The following COL22A1 variants were observed in gnomAD, a reference collection of about 807,000 sequenced individuals.
COL22A1 encodes collagen type XXII alpha 1 chain.
Under a neutral mutation model 248.9 loss-of-function variants are expected in COL22A1, and 221 were observed. The observed-to-expected ratio is 0.89, with a 90% CI of 0.80 to 0.99. The LOEUF (loss-of-function observed/expected upper bound fraction) is 0.99, where lower values mean the gene tolerates loss of function less well. COL22A1 is among the 50% of genes least tolerant of loss of function. The pLI, the probability that COL22A1 is intolerant of heterozygous loss-of-function variation, is 0.00. For synonymous variants in COL22A1, 891 were observed against 793.4 expected, an observed-to-expected ratio of 1.12 and a Z score of -2.07; for missense variants, 2,240 against 2,179.0, an observed-to-expected ratio of 1.03 and a Z score of -0.56.
intron 3 of COL22A1, among the ~76,000 whole-genome samples, chr8:138,862,595 A>G (rs1822566650): frequency 6.6e-6 from 1 of 152,096 alleles, no homozygotes; most frequent in South Asian, 2.1e-4. Flanking sequence ...ACTTCCAGCT[A>G]TAATAGTCAG....
chr8:138,867,215 G>T (rs1822966214), intron 3 of COL22A1, among the ~76,000 whole-genome samples: 1 of 152,166 alleles, frequency 6.6e-6, no homozygotes, highest in Non-Finnish European at 1.5e-5. Context: ...ATTGGTTTCT[G>T]GCCAGTGATC....
chr8:138,762,563 T>G (rs1586678254), intron 16 of COL22A1, 97 bp from the exon 17 acceptor site: 1 of 1,200,342 alleles, frequency 8.3e-7, no homozygotes. Flanking sequence ...ACAAGGAGGG[T>G]GGGGAAAAGG....
intron 10 of COL22A1, among the ~76,000 whole-genome samples, chr8:138,805,332 G>GGA (rs1817428970): frequency 6.9e-6 from 1 of 144,860 alleles, no homozygotes; most frequent in African/African-American, 2.5e-5. Context: ...TGATGGTGTG[G>GGA]CTGTGTGATG....
intron 39 of COL22A1, among the ~76,000 whole-genome samples, chr8:138,683,525 C>G (rs1826112886): frequency 6.6e-6 from 1 of 152,164 alleles, no homozygotes; most frequent in South Asian, 2.1e-4. Context: ...CCCAGTCTCC[C>G]CTGTGTGACT....
chr8:138,667,369 A>G (rs904575136), intron 41 of COL22A1, among the ~76,000 whole-genome samples: 2 of 152,202 alleles, frequency 1.3e-5, no homozygotes, highest in African/African-American at 4.8e-5. Context: ...GGAGACCATC[A>G]AAGATTGCTA....
intron 54 of COL22A1, 77 bp downstream of exon 54, chr8:138,616,837 G>A: frequency 1.3e-6 from 2 of 1,551,368 alleles, no homozygotes; most frequent in South Asian, 2.2e-5. Context: ...ATGGCCTGCA[G>A]GCTGCAAGTA....
intron 35 of COL22A1, among the ~76,000 whole-genome samples, chr8:138,692,391 G>T (rs868864049): frequency 6.6e-6 from 1 of 150,398 alleles, no homozygotes; most frequent in Non-Finnish European, 1.5e-5. Flanking sequence ...TATTGTGCAC[G>T]TATGTACATG....
At chr8:138,844,197 T>G (rs1586873452) in intron 3 of COL22A1, 39 bp from the exon 4 acceptor site, 1 of 1,588,410 alleles carries the variant, frequency 6.3e-7, no homozygotes. Context: ...GATGAGAAAA[T>G]GTGACCCATC....
chr8:138,846,201 G>A (rs1821232386), intron 3 of COL22A1, among the ~76,000 whole-genome samples: 1 of 152,188 alleles, frequency 6.6e-6, no homozygotes, highest in Admixed American at 6.5e-5. Context: ...CAGCTGTGGG[G>A]TGACGATCAA....
intron 49 of COL22A1, among the ~76,000 whole-genome samples, chr8:138,632,534 G>T (rs1320068582): frequency 6.6e-6 from 1 of 152,172 alleles, no homozygotes; most frequent in Non-Finnish European, 1.5e-5. Context: ...CTCTATTGAT[G>T]TCTTTCCAGC....
At chr8:138,650,705 GATA>G (rs1822640941) in intron 45 of COL22A1, among the ~76,000 whole-genome samples, 1 of 149,836 alleles carries the variant, frequency 6.7e-6, no homozygotes, top group African/African-American at 2.5e-5. Context: ...TAGATAGATA[GATA>G]GATAGATAGA....
At chr8:138,591,703 C>T (rs557287623) in intron 63 of COL22A1, among the ~76,000 whole-genome samples, 21 of 152,294 alleles carry the variant, frequency 1.4e-4, no homozygotes, top group African/African-American at 4.8e-4. Context: ...CCAGCACACA[C>T]TCACATTCAG....
At chr8:138,755,591 A>G (rs1832931449) in intron 19 of COL22A1, 80 bp from the exon 20 acceptor site, 2 of 1,480,888 alleles carry the variant, frequency 1.4e-6, no homozygotes, top group Non-Finnish European at 1.9e-6. Flanking sequence ...CACTAAGGCC[A>G]TTCATTCACA....
intron 1 of COL22A1, among the ~76,000 whole-genome samples, chr8:138,887,533 T>C (rs1317717556): frequency 2.0e-5 from 3 of 152,200 alleles, no homozygotes; most frequent in South Asian, 2.1e-4. Context: ...CTCTTAACAT[T>C]ATATCTTGAG....
In COL22A1 at chr8:138,844,089, A is replaced by G; in HGVS notation, c.728T>C (p.Ile243Thr). The G allele has an allele frequency of 1.2e-6, 2 of 1,613,942 alleles. No homozygotes were observed. Among genetic ancestry groups the G allele is most frequent in the East Asian group, 4.5e-5 (2 of 44,878 alleles). Residue 243 changes from isoleucine to threonine, a missense_variant, in exon 4 of 65, where the codon ATC (isoleucine) becomes ACC (threonine). By Grantham distance (89) the Ile-to-Thr change is moderately conservative. Coordinates refer to ENST00000303045, the MANE Select transcript of COL22A1 (RefSeq NM_152888.3). The part of the protein sequence containing the change: ...FKHTNGGTKE[I>T]TGFDLMDLFS... ...GGTTATTGTTTTTCCCTTACCTGTGATTTCCTTGGTTCCTCCATTGGTGTG... is the reference window on the plus strand; with the variant it reads ...GGTTATTGTTTTTCCCTTACCTGTGGTTTCCTTGGTTCCTCCATTGGTGTG...
At chr8:138,611,502 T>A (rs1587669597) in intron 56 of COL22A1, among the ~76,000 whole-genome samples, 1 of 152,322 alleles carries the variant, frequency 6.6e-6, no homozygotes, top group Non-Finnish European at 1.5e-5. Flanking sequence ...GCAGGGTTTC[T>A]CAAATTTTTG....
chr8:138,649,736 C>G lies in COL22A1; in HGVS notation c.3376G>C (p.Gly1126Arg), dbSNP rs766042590. Reference sequence around the variant, plus strand: ...TTGTCCCCTTTAAAACCTGGTAGACCAGGGAGGCCTGGGGGGCCAGGAGGG... The same window carrying G: ...TTGTCCCCTTTAAAACCTGGTAGACGAGGGAGGCCTGGGGGGCCAGGAGGG... ...DCPPGPPGLP[G>R]LPGFKGDKGV... Residue 1126 changes from glycine (G) to arginine (R), a missense_variant, in exon 46 of 65, where the codon GGT becomes CGT. By Grantham distance (125) the Gly-to-Arg change is moderately radical. Coordinates refer to ENST00000303045, the MANE Select transcript of COL22A1 (RefSeq NM_152888.3). 4 of 1,609,930 alleles carry G rather than the reference C, an allele frequency of 2.5e-6. No homozygotes were observed. The highest frequency in any genetic ancestry group is 2.2e-5 in the East Asian group (1 of 44,732).
intron 41 of COL22A1, among the ~76,000 whole-genome samples, chr8:138,671,893 C>CT (rs1331425876): frequency 6.6e-6 from 1 of 152,072 alleles, no homozygotes; most frequent in Non-Finnish European, 1.5e-5. Context: ...CTCTAGCCTG[C>CT]TTTGTTGTAA....
intron 30 of COL22A1, among the ~76,000 whole-genome samples, chr8:138,712,355 G>A (rs1829042367): frequency 6.6e-6 from 1 of 152,156 alleles, no homozygotes; most frequent in African/African-American, 2.4e-5. Flanking sequence ...GGAACTAGAG[G>A]TGCATTTGGT....
Sources: gnomAD v4.1 joint callset for allele counts (sites outside exome capture counted in the v4.1 genomes callset) on GRCh38, gnomAD v4.1.1 for gene constraint, MANE v1.5 for transcripts, NCBI Gene and HGNC (gene_info 2026-07-23, HGNC 2026-07-21) for gene names.